The following SLC4A8 variants were observed in gnomAD, a reference collection of about 807,000 sequenced individuals.
The protein encoded by SLC4A8 is solute carrier family 4 member 8.
A neutral mutation model predicts 125.0 loss-of-function variants in SLC4A8; 40 were observed. That is an observed-to-expected ratio of 0.32 (90% CI 0.25 to 0.42). The LOEUF is 0.42. Ranked by LOEUF, SLC4A8 falls within the 10% of genes least tolerant of loss-of-function variation. SLC4A8 has a pLI of 1.00. For missense variants in SLC4A8, 863 were observed against 1,355.1 expected (o/e 0.64, Z 5.70); for synonymous variants, 456 against 476.0 (o/e 0.96, Z 0.55).
rs78457544 is a variant in SLC4A8, at chr12:51,509,084, C to G, written c.*1646C>G. On this transcript the variant is annotated 3_prime_UTR_variant, in exon 25 of 25. Transcript: ENST00000453097. ...ACAACTGGTACAGGACAGATGCCAG[C>G]CACTCAGAAGGGATGCCTGCTGTAA... 5 of 152,624 alleles carry G rather than the reference C, an allele frequency of 3.3e-5. No individual in the cohort carries two copies. In the East Asian group the frequency reaches 9.6e-4, roughly 29 times the overall value. The allele number at this position is 152,624 out of a possible 1,614,324, so 9.5% of individuals were successfully genotyped here. A position where few individuals can be genotyped will look rare whatever the true frequency, so the allele number is the denominator to read the frequency against.
intron 19 of SLC4A8, among the ~76,000 whole-genome samples, chr12:51,492,801 A>T (rs1027859991): frequency 1.3e-5 from 2 of 151,946 alleles, no homozygotes; most frequent in Admixed American, 1.3e-4. Context: ...TTTAAGCCCC[A>T]CATGCATTAG....
At chr12:51,417,037 C>T (rs895739998) in intron 1 of SLC4A8, among the ~76,000 whole-genome samples, 7 of 152,070 alleles carry the variant, frequency 4.6e-5, no homozygotes, top group African/African-American at 1.7e-4. Flanking sequence ...GGGAGGATCA[C>T]TTGCATCCAG....
intron 11 of SLC4A8, among the ~76,000 whole-genome samples, chr12:51,467,140 G>T (rs1272279963): frequency 6.6e-6 from 1 of 152,126 alleles, no homozygotes; most frequent in Admixed American, 6.5e-5. Context: ...ATAAATTATT[G>T]CTGCCTGCAA....
In SLC4A8 at chr12:51,425,097, C is replaced by T. The variant is rs1174232319; in HGVS notation, c.48+62C>T. On this transcript the variant is annotated intron_variant, in intron 1 of 24. Transcript: ENST00000453097. Reference sequence around the variant, plus strand: ...GGGGCGCAGCCTCCTCATCCTCTGCCCACCCTCCTTCCTTCTGCCCCCGAG... The same window carrying T: ...GGGGCGCAGCCTCCTCATCCTCTGCTCACCCTCCTTCCTTCTGCCCCCGAG... 2.0e-5 allele frequency: 31 copies of T among 1,523,770 alleles called. 1 individual carries two copies. Among genetic ancestry groups the T allele is most frequent in the South Asian group, 2.4e-5 (2 of 81,770 alleles). The allele number at this position is 1,523,770 out of a possible 1,614,324, so 94.4% of individuals were successfully genotyped here.
intron 17 of SLC4A8, 106 bp from the exon 18 acceptor site, chr12:51,488,593 C>G (rs1412786873): frequency 4.0e-6 from 3 of 752,034 alleles, no homozygotes; most frequent in Non-Finnish European, 4.0e-6. Flanking sequence ...TTTTTAAGAA[C>G]CTCACTCAAG....
At chr12:51,394,303 A>G (rs552641882) in intron 1 of SLC4A8, among the ~76,000 whole-genome samples, 2 of 152,388 alleles carry the variant, frequency 1.3e-5, no homozygotes, top group East Asian at 1.9e-4. Context: ...CTGATTTTAA[A>G]TGTGACTTGG....
chr12:51,500,201 T>TAA (rs1443225523), intron 22 of SLC4A8, among the ~76,000 whole-genome samples: 4 of 152,188 alleles, frequency 2.6e-5, no homozygotes, highest in African/African-American at 9.7e-5. Flanking sequence ...CTTTGGATGT[T>TAA]AAGTTCGAGG....
intron 1 of SLC4A8, among the ~76,000 whole-genome samples, chr12:51,440,189 A>G (rs1021584061): frequency 2.0e-5 from 3 of 152,216 alleles, no homozygotes; most frequent in African/African-American, 7.2e-5. Context: ...GCTTCACAGC[A>G]CTTGCAAAAT....
chr12:51,474,245 A>C, intron 14 of SLC4A8, 97 bp from the exon 15 acceptor site: 1 of 713,440 alleles, frequency 1.4e-6, no homozygotes, highest in Non-Finnish European at 2.3e-6. Flanking sequence ...AGAAGCAGCA[A>C]GGCAGCTCCT....
At chr12:51,413,626 C>T (rs1481336265) in intron 1 of SLC4A8, among the ~76,000 whole-genome samples, 1 of 152,192 alleles carries the variant, frequency 6.6e-6, no homozygotes, top group Non-Finnish European at 1.5e-5. Flanking sequence ...TTTCATTCTT[C>T]TGCGTATGGA....
Position 51,474,368 on chromosome 12 carries a change from C to T in SLC4A8, c.1931C>T (p.Pro644Leu), listed in dbSNP as rs1473552296. ...TGCAGGTGTACTCTGCCAGAGAATC[C>T]AAACAATCACACCCTCCAGTACTGG... ...YYCRCTLPENPNNHTLQYWKD... is the reference protein window; with the variant it reads ...YYCRCTLPENLNNHTLQYWKD... Residue 644 changes from proline to leucine, a missense_variant, in exon 15 of 25, where the codon CCA (proline) becomes CTA (leucine). Pro to Leu is a moderately conservative substitution (Grantham distance 98). This residue lies in a region of SLC4A8 where 76 missense variants were observed against 80.2 expected (regional missense o/e 0.95). Coordinates refer to ENST00000453097, the MANE Select transcript of SLC4A8 (RefSeq NM_001039960.3). The T allele has an allele frequency of 6.3e-7, 1 of 1,596,216 alleles. No homozygotes were observed. The highest frequency in any genetic ancestry group is 8.6e-7 in the Non-Finnish European group (1 of 1,165,628).
intron 16 of SLC4A8, among the ~76,000 whole-genome samples, chr12:51,481,110 A>G (rs531781383): frequency 6.6e-6 from 1 of 152,266 alleles, no homozygotes; most frequent in African/African-American, 2.4e-5. Context: ...TGTGGTTACT[A>G]CTATTAGGGT....
rs1417644280 is a variant in SLC4A8 at position 51,511,825 on chromosome 12, G to A, written c.*4387G>A. 6.6e-6 allele frequency: 1 copy of A among 152,180 alleles called. No homozygotes were observed. The highest frequency in any genetic ancestry group is 1.5e-5 in the Non-Finnish European group (1 of 68,046). 9.4% of individuals were successfully genotyped at this position (152,180 alleles called of 1,614,324 possible). A position where few individuals can be genotyped will look rare whatever the true frequency, so the allele number is the denominator to read the frequency against. ...GGCAGTATTCCAATCAGGGTTTTAC[G>A]ACACCAGGGTATCCCACCTTTTTTG... On this transcript the variant is annotated 3_prime_UTR_variant, in exon 25 of 25. Transcript: ENST00000453097.
In SLC4A8 at chr12:51,508,836, T is replaced by C. The variant is rs1346309736; in HGVS notation, c.*1398T>C. 6.6e-6 allele frequency: 1 copy of C among 152,194 alleles called. No homozygotes were observed. Among genetic ancestry groups the C allele is most frequent in the East Asian group, 1.9e-4 (1 of 5,202 alleles). The allele number at this position is 152,194 out of a possible 1,614,324, so 9.4% of individuals were successfully genotyped here. A position where few individuals can be genotyped will look rare whatever the true frequency, so the allele number is the denominator to read the frequency against. Reference sequence around the variant, plus strand: ...GTTAGTTTCCCATCCTGGAAAATCTTTGTACAGTGGGAAGTTCCCCGATGT... The same window carrying C: ...GTTAGTTTCCCATCCTGGAAAATCTCTGTACAGTGGGAAGTTCCCCGATGT... On this transcript the variant is annotated 3_prime_UTR_variant, in exon 25 of 25. Transcript: ENST00000453097.
At chr12:51,414,472 C>T (rs1042310292) in intron 1 of SLC4A8, among the ~76,000 whole-genome samples, 4 of 152,000 alleles carry the variant, frequency 2.6e-5, no homozygotes, top group Admixed American at 2.0e-4. Flanking sequence ...AAGAGTGGGC[C>T]GGATGTAGTG....
rs558794681 is a variant in SLC4A8 at position 51,500,860 on chromosome 12, T to C, written c.3082-3169T>C. Among the ~76,000 whole-genome samples the C allele has an allele frequency of 6.7e-4, 102 of 151,160 alleles. 1 individual carries two copies. The highest frequency in any genetic ancestry group is 2.2e-3 in the African/African-American group (92 of 41,376). On this transcript the variant is annotated intron_variant, in intron 22 of 24. Coordinates refer to ENST00000453097, the MANE Select transcript of SLC4A8 (RefSeq NM_001039960.3). ...CGCCCCTGCGCCTGGCTTTTTTTTT[T>C]TTTCTTTCTTTCTTTCTTTATTTTT...
chr12:51,497,458 A>G, intron 22 of SLC4A8: 1 of 196,330 alleles, frequency 5.1e-6, no homozygotes, highest in South Asian at 1.2e-4. Flanking sequence ...CATAAGACCC[A>G]TTATTTCCTA....
chr12:51,430,217 C>T (rs1565768792), intron 1 of SLC4A8, among the ~76,000 whole-genome samples: 1 of 152,014 alleles, frequency 6.6e-6, no homozygotes, highest in African/African-American at 2.4e-5. Context: ...TAGAGTTACA[C>T]CCCATGTCTT....
chr12:51,421,601 C>T (rs912914216), upstream of SLC4A8, among the ~76,000 whole-genome samples: 1 of 152,190 alleles, frequency 6.6e-6, no homozygotes, highest in Non-Finnish European at 1.5e-5. Flanking sequence ...TCCACTTCTG[C>T]CATGGCTGGG....
Sources: allele counts gnomAD v4.1 joint callset (sites outside exome capture counted in the v4.1 genomes callset), GRCh38; gene constraint gnomAD v4.1.1; regional missense constraint gnomAD v4.1.1; transcripts MANE v1.5; gene names NCBI Gene and HGNC (gene_info 2026-07-23, HGNC 2026-07-21).